The following NDC80 variants were observed in gnomAD, a reference collection of about 807,000 sequenced individuals.
The protein encoded by NDC80 is NDC80 kinetochore complex component.
Under a neutral mutation model 89.3 loss-of-function variants are expected in NDC80, and 69 were observed. That is an observed-to-expected ratio of 0.77 (90% CI 0.64 to 0.94). NDC80 has a LOEUF of 0.94. Ranked by LOEUF, NDC80 falls within the 40% of genes least tolerant of loss-of-function variation. The pLI, the probability that NDC80 is intolerant of heterozygous loss-of-function variation, is 0.00. For synonymous variants in NDC80, 243 were observed against 255.6 expected, an observed-to-expected ratio of 0.95 and a Z score of 0.47; for missense variants, 593 against 739.6, an observed-to-expected ratio of 0.80 and a Z score of 2.30.
At chr18:2,594,657 CTG>C (rs1239071280) in intron 10 of NDC80, 1 of 153,536 alleles carries the variant, frequency 6.5e-6, no homozygotes, top group East Asian at 1.9e-4. Flanking sequence ...TTCTAGGCAA[CTG>C]TTTTTTCTGT....
chr18:2,577,704 A>G, intron 3 of NDC80, 42 bp from the exon 4 acceptor site: 1 of 1,603,578 alleles, frequency 6.2e-7, no homozygotes, highest in Non-Finnish European at 8.5e-7. Context: ...TTGATCACAG[A>G]AGCAAATAGT....
intron 11 of NDC80, among the ~76,000 whole-genome samples, chr18:2,597,592 G>A (rs1469844792): frequency 1.3e-5 from 2 of 152,074 alleles, no homozygotes; most frequent in Admixed American, 1.3e-4. Flanking sequence ...GAAGCCAGGT[G>A]TGGTGGCACC....
intron 11 of NDC80, among the ~76,000 whole-genome samples, chr18:2,596,038 T>C (rs567468686): frequency 2.0e-5 from 3 of 152,314 alleles, no homozygotes; most frequent in African/African-American, 7.2e-5. Context: ...AACTTCCAAC[T>C]GAGTTTGCAT....
intron 6 of NDC80, among the ~76,000 whole-genome samples, chr18:2,584,843 A>C (rs9950935): frequency 0.063 from 9,615 of 152,298 alleles, 327 homozygotes; most frequent in African/African-American, 0.082. Context: ...TGTAGAACAG[A>C]AGTAAATATA....
chr18:2,614,653 GAAAT>G (rs768435234), intron 16 of NDC80, among the ~76,000 whole-genome samples: 10,127 of 81,558 alleles, frequency 0.12, 3,745 homozygotes, highest in Non-Finnish European at 0.18. Flanking sequence ...AAGAAAGAAA[GAAAT>G]AAATTTGGCA....
chr18:2,583,426 C>G (rs562399664), intron 6 of NDC80, among the ~76,000 whole-genome samples: 2 of 152,156 alleles, frequency 1.3e-5, no homozygotes, highest in Non-Finnish European at 2.9e-5. Flanking sequence ...GTTGGCCGGG[C>G]GCAGTAGCTC....
In NDC80 at chr18:2,578,146, GT is replaced by G; in HGVS notation, c.476+6del. 6.2e-7 allele frequency: 1 copy of G among 1,609,864 alleles called. No homozygotes were observed. The highest frequency in any genetic ancestry group is 8.5e-7 in the Non-Finnish European group (1 of 1,178,412). ...AAGAATCTTTAAAGACCTTGGGTAT[GT>G]ATATTTCTTATTAGTTTAGAGACAT... On this transcript the variant is annotated splice_donor_region_variant and intron_variant, in intron 5 of 16. Coordinates refer to ENST00000261597, the MANE Select transcript of NDC80 (RefSeq NM_006101.3).
At chr18:2,583,145 T>G (rs950000997) in intron 6 of NDC80, among the ~76,000 whole-genome samples, 1 of 152,342 alleles carries the variant, frequency 6.6e-6, no homozygotes, top group East Asian at 1.9e-4. Context: ...AAATCTATAC[T>G]TTTTATATCT....
intron 9 of NDC80, 68 bp from the exon 10 acceptor site, chr18:2,589,950 C>A: frequency 9.3e-7 from 1 of 1,078,402 alleles, no homozygotes; most frequent in Non-Finnish European, 1.2e-6. Flanking sequence ...AATAATATTG[C>A]TTTACTTTAA....
At chr18:2,614,172 G>A (rs1028479857) in intron 16 of NDC80, among the ~76,000 whole-genome samples, 12 of 152,158 alleles carry the variant, frequency 7.9e-5, no homozygotes, top group African/African-American at 2.9e-4. Context: ...GGCACAGTGG[G>A]TCATGCCTGT....
chr18:2,589,980 A>G, intron 9 of NDC80, 38 bp from the exon 10 acceptor site: 1 of 1,361,130 alleles, frequency 7.3e-7, no homozygotes, highest in Non-Finnish European at 9.9e-7. Context: ...TGGAATGGTT[A>G]TTAAGAATAA....
At chr18:2,594,479 C>A in intron 10 of NDC80, 1 of 162,702 alleles carries the variant, frequency 6.1e-6, no homozygotes. Context: ...CCTGAGAAAC[C>A]TTAGAAAAAA....
At chr18:2,598,555 T>G (rs972852863) in intron 11 of NDC80, among the ~76,000 whole-genome samples, 1 of 152,224 alleles carries the variant, frequency 6.6e-6, no homozygotes, top group Non-Finnish European at 1.5e-5. Flanking sequence ...ATGTGAAATA[T>G]ATTACTAAAA....
Position 2,599,170 on chromosome 18 carries a change from A to G in NDC80, c.1373A>G (p.Tyr458Cys). Residue 458 changes from tyrosine (Y) to cysteine (C), a missense_variant and splice_region_variant, in exon 12 of 17, where the codon TAT (tyrosine) becomes TGT (cysteine). Coordinates refer to ENST00000261597, the MANE Select transcript of NDC80 (RefSeq NM_006101.3). Reference sequence around the variant, plus strand: ...CTTGTCAAATACAGGGCTCAAGTTTATGTAAGTAATCATGACTACTTTTAA... The same window carrying G: ...CTTGTCAAATACAGGGCTCAAGTTTGTGTAAGTAATCATGACTACTTTTAA... The part of the protein sequence containing the change: ...NCLVKYRAQV[Y>C]VPLKELLNET... The G allele has an allele frequency of 6.2e-7, 1 of 1,601,090 alleles. No homozygotes were observed.
At position 2,573,069 on chromosome 18, in the gene NDC80, C is replaced by T. The variant is rs748524381; in HGVS notation, c.84C>T (p.Gly28=). ...ELRSQDVNKQ[G]LYTPQTKEKP... The stretch of plus-strand genomic sequence containing the variant: ...GATCCCAGGATGTAAATAAACAAGG[C>T]CTCTATACCCCTCAAACGTGAGTAT... The change falls in exon 2 of 17, where the codon GGC becomes GGT. Residue 28 remains glycine (G), a synonymous_variant. Transcript: ENST00000261597. 2.1e-5 allele frequency: 34 copies of T among 1,613,276 alleles called. No homozygotes were observed. Among genetic ancestry groups the T allele is most frequent in the Non-Finnish European group, 2.7e-5 (32 of 1,179,506 alleles).
chr18:2,611,022 G>C (rs1307647075), intron 16 of NDC80, among the ~76,000 whole-genome samples, 161 bp downstream of exon 16: 1 of 149,880 alleles, frequency 6.7e-6, no homozygotes, highest in African/African-American at 2.5e-5. Context: ...ATGTGGCAAC[G>C]TGATGCAGGG....
intron 12 of NDC80, 118 bp downstream of exon 12, chr18:2,599,289 G>T: frequency 2.8e-6 from 2 of 727,124 alleles, no homozygotes; most frequent in South Asian, 3.5e-5. Flanking sequence ...CACTGAAACT[G>T]TATCTTCTTT....
In NDC80 at chr18:2,605,274, A is replaced by ATGTGTGTG. The variant is rs60324126; in HGVS notation, c.1465-1093_1465-1086dup. Among the ~76,000 whole-genome samples the ATGTGTGTG allele has an allele frequency of 9.8e-3, 1,245 of 127,198 alleles. 7 individuals carry two copies. Among genetic ancestry groups the ATGTGTGTG allele is most frequent in the African/African-American group, 0.01 (339 of 32,304 alleles). The allele number at this position is 127,198 out of a possible 152,430, so 83.4% of individuals were successfully genotyped here. On this transcript the variant is annotated intron_variant, in intron 13 of 16. Coordinates refer to ENST00000261597, the MANE Select transcript of NDC80 (RefSeq NM_006101.3). ...AATTGGAGTCGGGCGGGCTATATGT[A>ATGTGTGTG]TGTGTGTGTGTGTGTGTGTGTGTGT...
intron 2 of NDC80, 49 bp downstream of exon 2, chr18:2,573,135 C>A: frequency 7.1e-7 from 1 of 1,401,604 alleles, no homozygotes; most frequent in Non-Finnish European, 1.0e-6. Context: ...TCATCTTAGG[C>A]AAAGAAATCA....
Sources: gnomAD v4.1 joint callset for allele counts (sites outside exome capture counted in the v4.1 genomes callset) on GRCh38, gnomAD v4.1.1 for gene constraint, MANE v1.5 for transcripts, NCBI Gene and HGNC (gene_info 2026-07-23, HGNC 2026-07-21) for gene names.